Variants in MAST2 observed in about 807,000 individuals in gnomAD.
MAST2 encodes microtubule-associated serine/threonine-protein kinase 2.
In MAST2, 70 loss-of-function variants were observed where a neutral mutation model predicts 147.4. That is an observed-to-expected ratio of 0.47 (90% CI 0.39 to 0.58). MAST2 has a LOEUF of 0.58. Among genes scored for constraint, MAST2 ranks in the 20% least tolerant of loss-of-function variants. The pLI is 0.00. For missense variants in MAST2, 2,080 were observed against 2,302.3 expected, an observed-to-expected ratio of 0.90 and a Z score of 1.98; for synonymous variants, 869 against 896.8, an observed-to-expected ratio of 0.97 and a Z score of 0.55.
chr1:45,856,324 G>T (rs1645789163), intron 3 of MAST2, among the ~76,000 whole-genome samples: 1 of 152,108 alleles, frequency 6.6e-6, no homozygotes, highest in Non-Finnish European at 1.5e-5. Context: ...ATTGTTTGTT[G>T]AGCAAATATT....
At chr1:45,900,140 A>G (rs868469036) in intron 4 of MAST2, among the ~76,000 whole-genome samples, 28 of 138,058 alleles carry the variant, frequency 2.0e-4, no homozygotes, top group Middle Eastern at 7.6e-3. Flanking sequence ...ACTGCACTCC[A>G]GCCTGGGCGA....
At chr1:45,959,666 T>C (rs1660129450) in intron 5 of MAST2, among the ~76,000 whole-genome samples, 189 bp downstream of exon 5, 1 of 152,232 alleles carries the variant, frequency 6.6e-6, no homozygotes, top group African/African-American at 2.4e-5. Context: ...CTCTTAGTTG[T>C]TTCTTACCTT....
intron 1 of MAST2, among the ~76,000 whole-genome samples, chr1:45,816,506 T>A (rs1203987966): frequency 6.6e-6 from 1 of 151,936 alleles, no homozygotes; most frequent in Non-Finnish European, 1.5e-5. Context: ...TTCAGAGAAA[T>A]ACAGGATAAC....
chr1:46,032,077 A>G (rs991341863), intron 24 of MAST2, 101 bp from the exon 25 acceptor site: 2 of 903,334 alleles, frequency 2.2e-6, no homozygotes, highest in Non-Finnish European at 3.6e-6. Context: ...ACCTAGGCTC[A>G]GGCTCTGTCT....
chr1:45,949,017 T>C (rs1658531530), intron 4 of MAST2, among the ~76,000 whole-genome samples: 1 of 152,152 alleles, frequency 6.6e-6, no homozygotes, highest in South Asian at 2.1e-4. Context: ...CTGGGATAAC[T>C]GGCTAGCCAT....
chr1:45,956,203 T>C lies in MAST2; in HGVS notation c.501-3183T>C, dbSNP rs533421217. 2.0e-3 allele frequency among the ~76,000 whole-genome samples: 304 copies of C among 152,334 alleles called. 1 individual carries two copies. Among genetic ancestry groups the C allele is most frequent in the Non-Finnish European group, 3.3e-3 (222 of 68,034 alleles). On this transcript the variant is annotated intron_variant, in intron 4 of 28. Coordinates refer to ENST00000361297, the MANE Select transcript of MAST2 (RefSeq NM_015112.3). ...TTTATTTTTTTAGTGGTTCTACTTTTGAGAAAATTTTTATTTCACCTCTCC... is the reference window on the plus strand; with the variant it reads ...TTTATTTTTTTAGTGGTTCTACTTTCGAGAAAATTTTTATTTCACCTCTCC...
chr1:45,977,595 C>A (rs1033698063), intron 5 of MAST2, among the ~76,000 whole-genome samples: 3 of 151,942 alleles, frequency 2.0e-5, no homozygotes, highest in African/African-American at 7.3e-5. Context: ...GTCAAGAGAT[C>A]GAGACCATCC....
chr1:45,928,643 A>G (rs6656022), intron 4 of MAST2, among the ~76,000 whole-genome samples: 67,027 of 149,802 alleles, frequency 0.45, 15,144 homozygotes, highest in East Asian at 0.63. Context: ...GTGCAGTGGC[A>G]CAATCACAGC....
chr1:45,939,002 TG>T (rs1215548142), intron 4 of MAST2, among the ~76,000 whole-genome samples: 2 of 152,150 alleles, frequency 1.3e-5, no homozygotes, highest in Non-Finnish European at 2.9e-5. Context: ...CTGTCTATGG[TG>T]GTTCTTTCCA....
chr1:45,895,772 C>G (rs562436188), intron 4 of MAST2, among the ~76,000 whole-genome samples: 50 of 152,290 alleles, frequency 3.3e-4, no homozygotes, highest in South Asian at 6.2e-4. Context: ...GCAAATATTA[C>G]AACCAATTCC....
At chr1:45,913,539 T>G (rs1651994089) in intron 4 of MAST2, 1 of 968,036 alleles carries the variant, frequency 1.0e-6, no homozygotes, top group Non-Finnish European at 1.2e-6. Context: ...TAGCTCTGAT[T>G]TGTTGCTGGC....
intron 5 of MAST2, among the ~76,000 whole-genome samples, chr1:45,991,313 G>C (rs1430849116): frequency 6.6e-6 from 1 of 152,066 alleles, no homozygotes; most frequent in Non-Finnish European, 1.5e-5. Flanking sequence ...TTGAGGTCAG[G>C]TAATATCAGT....
chr1:46,032,507 G>T, intron 25 of MAST2, 89 bp from the exon 26 acceptor site: 1 of 1,595,562 alleles, frequency 6.3e-7, no homozygotes. Flanking sequence ...AAGGGTGGTG[G>T]TGAAGGGGCT....
chr1:45,813,734 G>C (rs946445236), intron 1 of MAST2, among the ~76,000 whole-genome samples: 1 of 152,016 alleles, frequency 6.6e-6, no homozygotes, highest in African/African-American at 2.4e-5. Context: ...TCTGACGTCA[G>C]GTGAGCCGCC....
intron 5 of MAST2, among the ~76,000 whole-genome samples, chr1:45,980,844 GTTATAACATC>G (rs2149055538): frequency 6.6e-6 from 1 of 152,168 alleles, no homozygotes; most frequent in South Asian, 2.1e-4. Flanking sequence ...CCAGAATGTT[GTTATAACATC>G]TTAATCTTCC....
At chr1:45,832,380 A>C (rs1363908148) in intron 3 of MAST2, among the ~76,000 whole-genome samples, 1 of 148,948 alleles carries the variant, frequency 6.7e-6, no homozygotes, top group African/African-American at 2.5e-5. Flanking sequence ...AGCTCACTGC[A>C]CCCTCTGCTT....
chr1:45,953,716 G>T lies in MAST2; in HGVS notation c.501-5670G>T, dbSNP rs557561306. ...GTGCAAAATTAGCAGCCTGTGGAAG[G>T]TTTTGAGCAGAGGAATGAAATAATC... On this transcript the variant is annotated intron_variant, in intron 4 of 28. Coordinates refer to ENST00000361297, the MANE Select transcript of MAST2 (RefSeq NM_015112.3). Among the ~76,000 whole-genome samples, 5 of 152,334 alleles carry T rather than the reference G, an allele frequency of 3.3e-5. No homozygotes were observed. In the East Asian group the frequency reaches 7.7e-4, roughly 23 times the overall value.
intron 4 of MAST2, among the ~76,000 whole-genome samples, chr1:45,899,354 G>A (rs1649355658): frequency 8.5e-6 from 1 of 117,206 alleles, no homozygotes; most frequent in Non-Finnish European, 1.7e-5. Context: ...GTGCAGGATT[G>A]TTACATGGAT....
intron 10 of MAST2, among the ~76,000 whole-genome samples, chr1:46,014,436 T>C (rs1218663838): frequency 6.6e-6 from 1 of 151,184 alleles, no homozygotes; most frequent in Non-Finnish European, 1.5e-5. Context: ...TTTGGTTTTT[T>C]GTTCTTGCGA....
Sources: allele counts gnomAD v4.1 joint callset (sites outside exome capture counted in the v4.1 genomes callset), GRCh38; gene constraint gnomAD v4.1.1; transcripts MANE v1.5; gene names NCBI Gene and HGNC (gene_info 2026-07-23, HGNC 2026-07-21).